The following DCC variants were observed in gnomAD, a reference collection of about 807,000 sequenced individuals.
DCC encodes the protein netrin receptor DCC.
DCC carries 58 observed loss-of-function variants against 172.5 expected under a neutral mutation model. The ratio of observed to expected loss-of-function variants is 0.34; its 90% CI spans 0.27 to 0.42. DCC has a LOEUF of 0.42. Ranked by LOEUF, DCC falls within the 10% of genes least tolerant of loss-of-function variation. DCC has a pLI of 1.00. For missense variants in DCC, 1,740 were observed against 1,791.0 expected, an observed-to-expected ratio of 0.97 and a Z score of 0.51; for synonymous variants, 709 against 644.5, an observed-to-expected ratio of 1.10 and a Z score of -1.52.
At chr18:53,280,554 C>T (rs1265508452) in intron 12 of DCC, among the ~76,000 whole-genome samples, 1 of 152,026 alleles carries the variant, frequency 6.6e-6, no homozygotes. Context: ...TTTCTTTCTT[C>T]CTATGGAGCC....
chr18:52,979,065 T>C (rs531805191), intron 5 of DCC, among the ~76,000 whole-genome samples: 1 of 152,016 alleles, frequency 6.6e-6, no homozygotes, highest in Non-Finnish European at 1.5e-5. Flanking sequence ...TGTGCTTTTT[T>C]AAAAAATATC....
intron 7 of DCC, among the ~76,000 whole-genome samples, chr18:53,077,453 C>T (rs2042739121): frequency 6.6e-6 from 1 of 152,112 alleles, no homozygotes; most frequent in South Asian, 2.1e-4. Flanking sequence ...TGATTGAAAA[C>T]ATGGAGGTCT....
At chr18:53,414,936 T>A (rs1290757915) in intron 20 of DCC, among the ~76,000 whole-genome samples, 1 of 152,234 alleles carries the variant, frequency 6.6e-6, no homozygotes, top group Admixed American at 6.5e-5. Flanking sequence ...TGTGTATATG[T>A]TATGTTTAAA....
chr18:53,429,049 ATATAT>A lies in DCC; in HGVS notation c.3164-6089_3164-6085del, dbSNP rs553214534. 6.2e-3 allele frequency among the ~76,000 whole-genome samples: 266 copies of A among 42,612 alleles called. 36 individuals are homozygous for A. The highest frequency in any genetic ancestry group is 0.012 in the African/African-American group (211 of 18,260). 28.0% of individuals were successfully genotyped at this position (42,612 alleles called of 152,430 possible). On this transcript the variant is annotated intron_variant, in intron 21 of 28. Coordinates refer to ENST00000442544, the MANE Select transcript of DCC (RefSeq NM_005215.4). ...TTATATAATATATATTTTATATATA[ATATAT>A]TATATATTTTATATATAATATATAT...
chr18:53,169,141 T>G (rs1368584120), intron 8 of DCC, among the ~76,000 whole-genome samples: 1 of 152,232 alleles, frequency 6.6e-6, no homozygotes, highest in Admixed American at 6.5e-5. Flanking sequence ...GTTGCCATGC[T>G]TGACTTCATG....
intron 7 of DCC, among the ~76,000 whole-genome samples, chr18:53,152,624 C>G (rs190559867): frequency 6.6e-6 from 1 of 152,072 alleles, no homozygotes. Flanking sequence ...AATTCACCTC[C>G]TCTTCTCCAT....
At chr18:52,905,680 G>C (rs180739777) in intron 2 of DCC, among the ~76,000 whole-genome samples, 1 of 152,310 alleles carries the variant, frequency 6.6e-6, no homozygotes, top group Admixed American at 6.5e-5. Flanking sequence ...ACAAGTTGCT[G>C]TCTGTAGGAC....
At chr18:52,561,582 T>A (rs1211543043) in intron 1 of DCC, among the ~76,000 whole-genome samples, 1 of 152,148 alleles carries the variant, frequency 6.6e-6, no homozygotes, top group Non-Finnish European at 1.5e-5. Context: ...AAAGCGAATG[T>A]GGAAACACTA....
chr18:52,342,223 C>T (rs1983672492), intron 1 of DCC, among the ~76,000 whole-genome samples: 1 of 152,152 alleles, frequency 6.6e-6, no homozygotes, highest in Admixed American at 6.5e-5. Flanking sequence ...GGGCTCAGCT[C>T]CTCATCTTCC....
At chr18:53,290,687 A>G (rs1357721362) in intron 12 of DCC, among the ~76,000 whole-genome samples, 1 of 152,150 alleles carries the variant, frequency 6.6e-6, no homozygotes, top group Non-Finnish European at 1.5e-5. Context: ...CTTATTTACT[A>G]TAGACCCAGC....
intron 1 of DCC, among the ~76,000 whole-genome samples, chr18:52,604,131 C>T (rs1053017738): frequency 2.0e-5 from 3 of 152,010 alleles, no homozygotes; most frequent in African/African-American, 2.4e-5. Context: ...TAATTTTATT[C>T]GAATGTGTTT....
intron 16 of DCC, among the ~76,000 whole-genome samples, chr18:53,389,355 G>T (rs868332093): frequency 6.6e-6 from 1 of 152,092 alleles, no homozygotes; most frequent in African/African-American, 2.4e-5. Flanking sequence ...TGACCTGAGA[G>T]AAAAAGACAA....
At chr18:53,138,554 A>T (rs1348169057) in intron 7 of DCC, among the ~76,000 whole-genome samples, 4 of 152,236 alleles carry the variant, frequency 2.6e-5, no homozygotes, top group African/African-American at 9.6e-5. Flanking sequence ...ACAATATATC[A>T]TTCTACATTT....
chr18:53,441,927 C>T (rs1000968572), intron 22 of DCC, among the ~76,000 whole-genome samples: 7 of 152,284 alleles, frequency 4.6e-5, no homozygotes, highest in South Asian at 4.1e-4. Flanking sequence ...TGTGTAGCCT[C>T]CTCTTATGCC....
intron 1 of DCC, among the ~76,000 whole-genome samples, chr18:52,590,522 T>A (rs903183175): frequency 6.6e-6 from 1 of 152,232 alleles, no homozygotes; most frequent in Admixed American, 6.5e-5. Context: ...GCCTCTCTGG[T>A]GTTGGCACAG....
At chr18:52,775,313 A>C (rs1338367705) in intron 2 of DCC, among the ~76,000 whole-genome samples, 1 of 152,146 alleles carries the variant, frequency 6.6e-6, no homozygotes, top group African/African-American at 2.4e-5. Context: ...CAGCTCCTGA[A>C]GCCCCAGTGG....
chr18:52,839,530 G>A (rs1271477715), intron 2 of DCC, among the ~76,000 whole-genome samples: 1 of 152,138 alleles, frequency 6.6e-6, no homozygotes, highest in Non-Finnish European at 1.5e-5. Flanking sequence ...GTGTATTGGT[G>A]TTCCCTAAGA....
At chr18:53,272,465 A>G (rs771608940) in intron 12 of DCC, among the ~76,000 whole-genome samples, 7 of 152,146 alleles carry the variant, frequency 4.6e-5, no homozygotes, top group Non-Finnish European at 8.8e-5. Flanking sequence ...TCTTTGCCAG[A>G]AGAGTTTTTC....
At chr18:53,333,084 AGG>A (rs1226364804) in intron 14 of DCC, among the ~76,000 whole-genome samples, 2 of 150,434 alleles carry the variant, frequency 1.3e-5, no homozygotes, top group South Asian at 2.1e-4. Context: ...AAAAAAAAAA[AGG>A]AGAATATTGA....
Sources: gnomAD v4.1 joint callset for allele counts (sites outside exome capture counted in the v4.1 genomes callset) on GRCh38, gnomAD v4.1.1 for gene constraint, MANE v1.5 for transcripts, NCBI Gene and HGNC (gene_info 2026-07-23, HGNC 2026-07-21) for gene names.